PDE4B: variants seen among roughly 807,000 people sequenced by gnomAD.
PDE4B encodes the protein 3',5'-cyclic-AMP phosphodiesterase 4B.
In PDE4B, 20 loss-of-function variants were observed where a neutral mutation model predicts 82.2. That is an observed-to-expected ratio of 0.24 (90% confidence interval 0.17 to 0.35). The LOEUF (loss-of-function observed/expected upper bound fraction) is 0.35, where lower values mean the gene tolerates loss of function less well. Ranked by LOEUF, PDE4B falls within the 10% of genes least tolerant of loss-of-function variation. The pLI is 1.00. For synonymous variants in PDE4B, 320 were observed against 318.9 expected (o/e 1.00, Z -0.04); for missense variants, 655 against 907.2 (o/e 0.72, Z 3.57).
intron 7 of PDE4B, among the ~76,000 whole-genome samples, chr1:66,294,555 C>G (rs1420777570): frequency 6.6e-6 from 1 of 152,142 alleles, no homozygotes; most frequent in East Asian, 1.9e-4. Flanking sequence ...TCTACCATTT[C>G]TATCAGGTTT....
chr1:65,793,665 G>A (rs2101140925), intron 1 of PDE4B, among the ~76,000 whole-genome samples: 1 of 152,260 alleles, frequency 6.6e-6, no homozygotes, highest in African/African-American at 2.4e-5. Context: ...GAGTTTGCTG[G>A]GCTGAGGCTC....
intron 3 of PDE4B, among the ~76,000 whole-genome samples, chr1:66,098,220 T>C (rs545423625): frequency 6.8e-4 from 103 of 152,262 alleles, no homozygotes; most frequent in Middle Eastern, 6.8e-3. Flanking sequence ...CAGAGCTCTA[T>C]CTCAGTGCAG....
chr1:66,155,546 G>A (rs1351303536), intron 3 of PDE4B, among the ~76,000 whole-genome samples: 1 of 151,754 alleles, frequency 6.6e-6, no homozygotes, highest in African/African-American at 2.4e-5. Flanking sequence ...ATAATCTAGA[G>A]CTGATTTTAT....
At chr1:66,297,264 A>G (rs766546881) in intron 7 of PDE4B, among the ~76,000 whole-genome samples, 23 of 152,046 alleles carry the variant, frequency 1.5e-4, no homozygotes, top group Non-Finnish European at 3.1e-4. Flanking sequence ...AAGACCCTTT[A>G]CTGTTTCCCA....
intron 3 of PDE4B, among the ~76,000 whole-genome samples, chr1:66,035,140 A>T (rs1653996349): frequency 6.6e-6 from 1 of 152,186 alleles, no homozygotes; most frequent in Non-Finnish European, 1.5e-5. Context: ...TCAATGGCAA[A>T]AATAAAAAGG....
At chr1:65,947,478 G>A (rs1225990182) in intron 3 of PDE4B, among the ~76,000 whole-genome samples, 1 of 151,930 alleles carries the variant, frequency 6.6e-6, no homozygotes, top group Non-Finnish European at 1.5e-5. Flanking sequence ...GCTGTTATGG[G>A]TTGAATTATA....
chr1:66,063,769 G>A (rs1039903868), intron 3 of PDE4B, among the ~76,000 whole-genome samples: 5 of 151,574 alleles, frequency 3.3e-5, no homozygotes, highest in East Asian at 1.9e-4. Flanking sequence ...TGATATGTTC[G>A]TTTCTTAAAT....
intron 3 of PDE4B, among the ~76,000 whole-genome samples, chr1:66,097,754 T>C (rs1645144710): frequency 6.6e-6 from 1 of 151,858 alleles, no homozygotes; most frequent in Non-Finnish European, 1.5e-5. Flanking sequence ...ATTATATCTG[T>C]TATTTTTAGT....
intron 3 of PDE4B, among the ~76,000 whole-genome samples, chr1:66,167,246 C>T (rs1646752970): frequency 1.3e-5 from 2 of 152,102 alleles, no homozygotes; most frequent in African/African-American, 4.8e-5. Context: ...AAAACCTGTA[C>T]ATGAGTATTC....
At chr1:65,822,265 A>G (rs949699106) in intron 1 of PDE4B, among the ~76,000 whole-genome samples, 1 of 152,194 alleles carries the variant, frequency 6.6e-6, no homozygotes, top group Non-Finnish European at 1.5e-5. Context: ...ACTATAGCTC[A>G]ATTAATTAAT....
At chr1:65,811,311 T>C (rs892248073) in intron 1 of PDE4B, among the ~76,000 whole-genome samples, 1 of 152,260 alleles carries the variant, frequency 6.6e-6, no homozygotes, top group Admixed American at 6.5e-5. Flanking sequence ...ATTTTTGTTG[T>C]ATTTCATGGA....
intron 3 of PDE4B, among the ~76,000 whole-genome samples, chr1:66,097,333 T>G (rs1012410530): frequency 8.5e-5 from 13 of 152,094 alleles, no homozygotes; most frequent in Admixed American, 7.9e-4. Flanking sequence ...TGGTTTTCAT[T>G]TATGTTTTCC....
intron 3 of PDE4B, among the ~76,000 whole-genome samples, chr1:66,191,184 T>C (rs753723082): frequency 6.6e-6 from 1 of 152,158 alleles, no homozygotes; most frequent in Non-Finnish European, 1.5e-5. Flanking sequence ...AAAAATGGTA[T>C]GTATTGTCTA....
chr1:65,872,839 C>T (rs1032873952), intron 1 of PDE4B, among the ~76,000 whole-genome samples: 7 of 152,128 alleles, frequency 4.6e-5, no homozygotes, highest in African/African-American at 1.4e-4. Context: ...GTGATATTCA[C>T]AACTTCCATG....
At chr1:66,007,900 A>G (rs573566580) in intron 3 of PDE4B, among the ~76,000 whole-genome samples, 1 of 152,318 alleles carries the variant, frequency 6.6e-6, no homozygotes, top group Non-Finnish European at 1.5e-5. Flanking sequence ...AAAGAAATAA[A>G]CCAAGATTTA....
At chr1:66,166,932 A>G (rs959708117) in intron 3 of PDE4B, among the ~76,000 whole-genome samples, 1 of 152,206 alleles carries the variant, frequency 6.6e-6, no homozygotes. Flanking sequence ...ACAAATGGAC[A>G]ATGATCATAT....
chr1:66,341,968 T>G (rs1450662238), intron 8 of PDE4B, among the ~76,000 whole-genome samples: 1 of 152,236 alleles, frequency 6.6e-6, no homozygotes, highest in Non-Finnish European at 1.5e-5. Flanking sequence ...AGCTGCCTTG[T>G]AAATAGTTTA....
At chr1:65,914,360 C>T (rs1647132317) in intron 2 of PDE4B, among the ~76,000 whole-genome samples, 1 of 152,022 alleles carries the variant, frequency 6.6e-6, no homozygotes, top group South Asian at 2.1e-4. Flanking sequence ...TAGATTTTTC[C>T]TTCCCAAATA....
chr1:66,222,071 T>C (rs907563747), intron 3 of PDE4B, among the ~76,000 whole-genome samples: 3 of 152,212 alleles, frequency 2.0e-5, no homozygotes, highest in Admixed American at 2.0e-4. Context: ...TCTGTCTTTT[T>C]GTTCTACCAT....
Sources: allele counts gnomAD v4.1 joint callset (sites outside exome capture counted in the v4.1 genomes callset), GRCh38; gene constraint gnomAD v4.1.1; transcripts MANE v1.5; gene names NCBI Gene and HGNC (gene_info 2026-07-23, HGNC 2026-07-21).